The following COL5A2 variants were observed in gnomAD, a reference collection of about 807,000 sequenced individuals.
COL5A2 encodes the protein collagen alpha-2(V) chain.
In COL5A2, 23 loss-of-function variants were observed where a neutral mutation model predicts 208.2. The observed-to-expected ratio is 0.11, with a 90% CI of 0.08 to 0.16. The LOEUF is 0.16. COL5A2 is among the 10% of genes least tolerant of loss of function. The pLI, the probability that COL5A2 is intolerant of heterozygous loss-of-function variation, is 1.00. For synonymous variants in COL5A2, 625 were observed against 628.5 expected, an observed-to-expected ratio of 0.99 and a Z score of 0.08; for missense variants, 1,590 against 1,956.4, an observed-to-expected ratio of 0.81 and a Z score of 3.53.
the COL5A2 span, among the ~76,000 whole-genome samples, chr2:189,384,192 A>G: frequency 2.6e-5 from 4 of 152,104 alleles, no homozygotes; most frequent in Non-Finnish European, 5.9e-5. Context: ...TATCTCGGCT[A>G]CTGTGAATAG....
At chr2:189,402,912 T>G in the COL5A2 span, among the ~76,000 whole-genome samples, 1 of 152,216 alleles carries the variant, frequency 6.6e-6, no homozygotes. Flanking sequence ...TGGTTCCACA[T>G]GAATTATAAA....
chr2:189,239,657 A>G, the COL5A2 span, among the ~76,000 whole-genome samples: 1 of 150,280 alleles, frequency 6.7e-6, no homozygotes, highest in Non-Finnish European at 1.5e-5. Flanking sequence ...ATTGGGAGAT[A>G]TACCTAATGC....
At chr2:189,184,887 C>G (rs149700662) in intron 1 of COL5A2, among the ~76,000 whole-genome samples, 1 of 152,152 alleles carries the variant, frequency 6.6e-6, no homozygotes, top group South Asian at 2.1e-4. Flanking sequence ...GCCATTATGG[C>G]TAGCATGATA....
chr2:189,070,092 T>G (rs1686238500), intron 18 of COL5A2, among the ~76,000 whole-genome samples: 1 of 151,946 alleles, frequency 6.6e-6, no homozygotes, highest in African/African-American at 2.4e-5. Context: ...CCTAGTTGAG[T>G]TTTCATTCAT....
chr2:189,275,593 A>G, the COL5A2 span, among the ~76,000 whole-genome samples: 1 of 151,790 alleles, frequency 6.6e-6, no homozygotes, highest in African/African-American at 2.4e-5. Context: ...AGCTGGGATT[A>G]CAGGCACGCG....
intron 7 of COL5A2, among the ~76,000 whole-genome samples, chr2:189,091,038 G>A (rs1353733331): frequency 6.6e-6 from 1 of 152,096 alleles, no homozygotes; most frequent in Non-Finnish European, 1.5e-5. Context: ...AGAATCTTCT[G>A]GAAAGGATTT....
chr2:189,425,322 T>C, the COL5A2 span, among the ~76,000 whole-genome samples: 471 of 152,294 alleles, frequency 3.1e-3, 5 homozygotes, highest in East Asian at 0.021. Flanking sequence ...AATGAAACTA[T>C]TATATGATCG....
At chr2:189,205,396 A>G (rs1422307306) in intron 1 of COL5A2, among the ~76,000 whole-genome samples, 1 of 152,200 alleles carries the variant, frequency 6.6e-6, no homozygotes, top group Admixed American at 6.5e-5. Context: ...AGGAATATGA[A>G]CCCAGGAAAT....
the COL5A2 span, among the ~76,000 whole-genome samples, chr2:189,253,649 T>C: frequency 6.6e-6 from 1 of 152,218 alleles, no homozygotes. Context: ...TCCAACCTAA[T>C]CCCAAGTCCT....
chr2:189,124,987 G>A lies in COL5A2; in HGVS notation c.98-14538C>T, dbSNP rs547840175. Among the ~76,000 whole-genome samples the A allele has an allele frequency of 5.3e-5, 8 of 152,150 alleles. No individual in the cohort carries two copies. In the East Asian group the frequency reaches 1.5e-3, roughly 29 times the overall value. On this transcript the variant is annotated intron_variant, in intron 1 of 53. Coordinates refer to ENST00000374866, the MANE Select transcript of COL5A2 (RefSeq NM_000393.5). ...GATCCATTTGCATACTGATTTAATG[G>A]CAGATAACTGAGTGAATCTGGATAT...
chr2:189,299,733 T>C, the COL5A2 span, among the ~76,000 whole-genome samples: 1 of 152,186 alleles, frequency 6.6e-6, no homozygotes, highest in Non-Finnish European at 1.5e-5. Context: ...ACAATCGATC[T>C]GTTTTGTTTC....
chr2:189,391,935 G>A, the COL5A2 span, among the ~76,000 whole-genome samples: 14 of 151,938 alleles, frequency 9.2e-5, no homozygotes, highest in Admixed American at 8.5e-4. Context: ...ACATCATATT[G>A]AAATGGTGTT....
chr2:189,311,303 T>G, the COL5A2 span: 30 of 1,266,930 alleles, frequency 2.4e-5, no homozygotes, highest in East Asian at 6.9e-4. Context: ...AGACACCACT[T>G]GGCCATCCAC....
chr2:189,215,324 A>G (rs535478236), intron 1 of COL5A2, among the ~76,000 whole-genome samples: 60 of 152,202 alleles, frequency 3.9e-4, no homozygotes, highest in Non-Finnish European at 7.5e-4. Flanking sequence ...CTGAAACAGT[A>G]GCCACTAAGC....
At chr2:189,244,557 TACA>T in the COL5A2 span, among the ~76,000 whole-genome samples, 1 of 152,202 alleles carries the variant, frequency 6.6e-6, no homozygotes, top group Non-Finnish European at 1.5e-5. Context: ...TGCTCCAGTT[TACA>T]ACAAGTTCCT....
intron 32 of COL5A2, 74 bp from the exon 33 acceptor site, chr2:189,058,601 G>GCTTCTA: frequency 7.5e-7 from 1 of 1,327,348 alleles, no homozygotes. Flanking sequence ...CTGAGAAATG[G>GCTTCTA]CTTCTACTGC....
chr2:189,286,182 T>C, the COL5A2 span, among the ~76,000 whole-genome samples: 1 of 152,114 alleles, frequency 6.6e-6, no homozygotes, highest in African/African-American at 2.4e-5. Context: ...TAAGAAATTA[T>C]AGTCAAGTGG....
chr2:189,155,783 T>C (rs1471748499), intron 1 of COL5A2, among the ~76,000 whole-genome samples: 2 of 152,202 alleles, frequency 1.3e-5, no homozygotes, highest in African/African-American at 4.8e-5. Context: ...CATTATCTTC[T>C]AGTTCTGGAT....
chr2:189,171,417 G>A (rs1002104001), intron 1 of COL5A2, among the ~76,000 whole-genome samples: 1 of 152,170 alleles, frequency 6.6e-6, no homozygotes, highest in Non-Finnish European at 1.5e-5. Context: ...GAATTTAGAT[G>A]CTATCACAGT....
Sources: gnomAD v4.1 joint callset for allele counts (sites outside exome capture counted in the v4.1 genomes callset) on GRCh38, gnomAD v4.1.1 for gene constraint, MANE v1.5 for transcripts, NCBI Gene and HGNC (gene_info 2026-07-23, HGNC 2026-07-21) for gene names.